STK31: variants seen among roughly 807,000 people sequenced by gnomAD.
STK31 encodes serine/threonine-protein kinase 31.
STK31 carries 89 observed loss-of-function variants against 129.7 expected under a neutral mutation model. The ratio of observed to expected loss-of-function variants is 0.69; its 90% confidence interval spans 0.58 to 0.82. The LOEUF (loss-of-function observed/expected upper bound fraction) is 0.82, where lower values mean the gene tolerates loss of function less well. Ranked by LOEUF, STK31 falls within the 40% of genes least tolerant of loss-of-function variation. The probability of loss-of-function intolerance (pLI) is 0.00; values close to 1 mark genes in which losing one functional copy is unlikely to be tolerated. For missense variants in STK31, 1,187 were observed against 1,176.4 expected (o/e 1.01, Z -0.13); for synonymous variants, 448 against 395.3 (o/e 1.13, Z -1.58).
At chr7:23,824,237 A>G (rs980968530) in intron 23 of STK31, among the ~76,000 whole-genome samples, 3 of 152,138 alleles carry the variant, frequency 2.0e-5, no homozygotes, top group Non-Finnish European at 2.9e-5. Context: ...TGAGCATGGA[A>G]TGTTCTTCCA....
In STK31 at chr7:23,772,164, T is replaced by G; in HGVS notation, c.1851T>G (p.Ile617Met). 1 of 1,579,546 alleles carries G rather than the reference T, an allele frequency of 6.3e-7. No homozygotes were observed. Among genetic ancestry groups the G allele is most frequent in the Non-Finnish European group, 8.6e-7 (1 of 1,165,346 alleles). ...KDSIEFKKQL[I>M]EYLNKSPSVD... The stretch of plus-strand genomic sequence containing the variant: ...TTACTTAGTTTAAAAAGCAGCTTAT[T>G]GAATATTTAAATAAGAGTCCCAGTG... The change falls in exon 15 of 24, where the codon ATT becomes ATG. Residue 617 changes from isoleucine to methionine, a missense_variant. By Grantham distance (10) the Ile-to-Met change is conservative. This residue lies in a region of STK31 where 975 missense variants were observed against 934.9 expected (regional missense o/e 1.04). Coordinates refer to ENST00000355870, the MANE Select transcript of STK31 (RefSeq NM_031414.5).
At chr7:23,747,367 T>TTTTTTATTTTTA (rs70956918) in intron 8 of STK31, among the ~76,000 whole-genome samples, 3 of 150,488 alleles carry the variant, frequency 2.0e-5, no homozygotes, top group Non-Finnish European at 4.4e-5. Flanking sequence ...TTCAGATTAT[T>TTTTTTATTTTTA]TTTTTATTTT....
chr7:23,718,236 A>T (rs1176565650), intron 4 of STK31, among the ~76,000 whole-genome samples: 1 of 152,214 alleles, frequency 6.6e-6, no homozygotes. Flanking sequence ...GCATTAAGTA[A>T]GTATGCAGTG....
chr7:23,787,713 G>T (rs1014251792), intron 20 of STK31, among the ~76,000 whole-genome samples: 1 of 149,936 alleles, frequency 6.7e-6, no homozygotes. Context: ...TCATGAAACC[G>T]GTCCCTGGTG....
chr7:23,825,014 G>C (rs1359342474), intron 23 of STK31, among the ~76,000 whole-genome samples: 3 of 152,038 alleles, frequency 2.0e-5, no homozygotes, highest in Non-Finnish European at 2.9e-5. Flanking sequence ...ATTTTATTGA[G>C]GATTTTTGCA....
rs543698054 is a variant in STK31 at position 23,747,342 on chromosome 7, A to G, written c.1018-5375A>G. Among the ~76,000 whole-genome samples the G allele has an allele frequency of 2.0e-5, 3 of 151,700 alleles. No individual in the cohort carries two copies. In the East Asian group the frequency reaches 5.8e-4, roughly 30 times the overall value. ...ATTAATGGTTGATTCAATTTTAAAA[A>G]TAGAAATAAGTCTGTTCAGATTATT... is the stretch of plus-strand genomic sequence containing the variant. On this transcript the variant is annotated intron_variant, in intron 8 of 23. Transcript: ENST00000355870.
intron 23 of STK31, 83 bp from the exon 24 acceptor site, chr7:23,832,053 T>C (rs1429333973): frequency 2.1e-6 from 2 of 954,076 alleles, no homozygotes; most frequent in Non-Finnish European, 3.2e-6. Flanking sequence ...ACTGTATTTA[T>C]TGAAAAAATA....
intron 15 of STK31, among the ~76,000 whole-genome samples, chr7:23,773,717 TTGTGTGTGTGTGTGTGAG>T (rs1790344670): frequency 7.2e-6 from 1 of 138,456 alleles, no homozygotes; most frequent in African/African-American, 2.6e-5. Flanking sequence ...GTTTCCTGAC[TTGTGTGTGTGTGTGTGAG>T]TGTGTGTGTG....
intron 15 of STK31, among the ~76,000 whole-genome samples, chr7:23,773,126 T>G: frequency 6.6e-6 from 1 of 152,148 alleles, no homozygotes; most frequent in East Asian, 1.9e-4. Flanking sequence ...ACACGTGCCA[T>G]GGTGGTTTGC....
At chr7:23,754,897 C>T (rs575169170) in intron 10 of STK31, among the ~76,000 whole-genome samples, 8 of 152,264 alleles carry the variant, frequency 5.3e-5, no homozygotes, top group East Asian at 1.9e-4. Context: ...TCCAGTCTAT[C>T]GTTGATGGGC....
At chr7:23,736,307 C>CT (rs1024293473) in intron 7 of STK31, among the ~76,000 whole-genome samples, 52 of 152,230 alleles carry the variant, frequency 3.4e-4, no homozygotes, top group African/African-American at 1.2e-3. Context: ...AAGTGAGGCT[C>CT]TTTCTTCTTC....
At chr7:23,738,615 G>T (rs1431589176) in intron 8 of STK31, among the ~76,000 whole-genome samples, 1 of 151,784 alleles carries the variant, frequency 6.6e-6, no homozygotes, top group African/African-American at 2.4e-5. Context: ...TATCCCCAAT[G>T]GCATGATCTC....
At chr7:23,781,561 T>C in intron 16 of STK31, 41 bp downstream of exon 16, 1 of 1,448,130 alleles carries the variant, frequency 6.9e-7, no homozygotes, top group Non-Finnish European at 9.6e-7. Flanking sequence ...TAGGTTTTAC[T>C]CTAGAAATTG....
At chr7:23,797,795 A>T (rs1451568584) in intron 22 of STK31, among the ~76,000 whole-genome samples, 2 of 152,098 alleles carry the variant, frequency 1.3e-5, no homozygotes, top group South Asian at 4.1e-4. Context: ...GACATGAAAA[A>T]CCCTTCAAAA....
chr7:23,830,935 G>A (rs761565721), intron 23 of STK31, among the ~76,000 whole-genome samples: 2 of 152,090 alleles, frequency 1.3e-5, no homozygotes, highest in Non-Finnish European at 2.9e-5. Flanking sequence ...CCATGCGTTT[G>A]TATAGTTTTC....
chr7:23,813,769 G>C (rs73271398), intron 22 of STK31, among the ~76,000 whole-genome samples: 5,206 of 152,166 alleles, frequency 0.034, 311 homozygotes, highest in African/African-American at 0.12. Flanking sequence ...TTCTTGAGCT[G>C]GGTGCTAGTT....
chr7:23,804,923 T>A (rs1042894431), intron 22 of STK31, among the ~76,000 whole-genome samples: 1 of 152,224 alleles, frequency 6.6e-6, no homozygotes, highest in African/African-American at 2.4e-5. Context: ...TTTCTTTATT[T>A]ACTCATTCTT....
intron 22 of STK31, among the ~76,000 whole-genome samples, chr7:23,814,714 A>G (rs1793361403): frequency 6.6e-6 from 1 of 151,994 alleles, no homozygotes; most frequent in Non-Finnish European, 1.5e-5. Context: ...AAATTTAATT[A>G]ATTTATTTTT....
intron 11 of STK31, among the ~76,000 whole-genome samples, chr7:23,766,365 C>T (rs1286256299): frequency 6.6e-6 from 1 of 152,106 alleles, no homozygotes; most frequent in Non-Finnish European, 1.5e-5. Context: ...TGGGTTCAAG[C>T]AATTCTCATG....
Sources: allele counts gnomAD v4.1 joint callset (sites outside exome capture counted in the v4.1 genomes callset), GRCh38; gene constraint gnomAD v4.1.1; regional missense constraint gnomAD v4.1.1; transcripts MANE v1.5; gene names NCBI Gene and HGNC (gene_info 2026-07-23, HGNC 2026-07-21).